Variants in MYH6 observed in about 807,000 individuals in gnomAD.
MYH6 encodes the protein myosin heavy chain 6.
A neutral mutation model predicts 223.2 loss-of-function variants in MYH6; 126 were observed. The ratio of observed to expected loss-of-function variants is 0.56; its 90% CI spans 0.49 to 0.65. MYH6 has a LOEUF of 0.65. Ranked by LOEUF, MYH6 falls within the 30% of genes least tolerant of loss-of-function variation. MYH6 has a pLI of 0.00. For missense variants in MYH6, 2,040 were observed against 2,536.4 expected (o/e 0.80, Z 4.20); for synonymous variants, 978 against 1,010.2 (o/e 0.97, Z 0.61).
In MYH6 at chr14:23,389,019, G is replaced by A. The variant is rs985894009; in HGVS notation, c.4015C>T (p.Arg1339Trp). ...TCCCGCAGCAGGTCGCAGTCATGCC[G>A]GGCCGACTGCAGTGCATGGGCCAGG... The part of the protein sequence containing the change: ...NALAHALQSA[R>W]HDCDLLREQY... Residue 1339 changes from arginine to tryptophan, a missense_variant, in exon 29 of 39, where the codon CGG becomes TGG. By Grantham distance (101) the Arg-to-Trp change is moderately radical. Transcript: ENST00000405093. 7 of 1,612,752 alleles carry A rather than the reference G, an allele frequency of 4.3e-6. No homozygotes were observed. Among genetic ancestry groups the A allele is most frequent in the African/African-American group, 1.3e-5 (1 of 74,938 alleles).
chr14:23,399,242 G>A (rs1212191996), intron 14 of MYH6, among the ~76,000 whole-genome samples: 2 of 152,066 alleles, frequency 1.3e-5, no homozygotes, highest in Non-Finnish European at 2.9e-5. Context: ...CTGCCCAGTG[G>A]GTCCAACAAA....
chr14:23,397,187 T>C lies in MYH6; in HGVS notation c.2033A>G (p.Asn678Ser), dbSNP rs515726230. Residue 678 changes from asparagine (N) to serine (S), a missense_variant, in exon 17 of 39, where the codon AAT becomes AGT. Physicochemically the swap from Asn to Ser is conservative, Grantham distance 46. This residue lies in a region of MYH6 where 649 missense variants were observed against 877.3 expected (regional missense o/e 0.74). Transcript: ENST00000405093. ...TGGCTCACCTGGAGCCTTCCGCTCA[T>C]TGGGGATGATGCAACGCACAAAGTG... ...HPHFVRCIIP[N>S]ERKAPGVMDN... 4 of 1,614,134 alleles carry C rather than the reference T, an allele frequency of 2.5e-6. No homozygotes were observed. Among genetic ancestry groups the C allele is most frequent in the East Asian group, 2.2e-5 (1 of 44,878 alleles).
intron 20 of MYH6, 146 bp downstream of exon 20, chr14:23,396,138 G>C (rs929823713): frequency 1.0e-5 from 9 of 880,882 alleles, no homozygotes; most frequent in East Asian, 2.6e-5. Context: ...AGAAGAAGAA[G>C]AATTTGCAAT....
intron 10 of MYH6, 48 bp downstream of exon 10, chr14:23,403,300 G>T (rs1201028658): frequency 2.0e-6 from 3 of 1,484,926 alleles, no homozygotes; most frequent in South Asian, 1.1e-5. Flanking sequence ...GAGTCGTTGG[G>T]GTGTGCAGCA....
At chr14:23,387,946 CTT>C (rs1891087578) in intron 30 of MYH6, 23 bp from the exon 31 acceptor site, 2 of 1,612,330 alleles carry the variant, frequency 1.2e-6, no homozygotes, top group Non-Finnish European at 1.7e-6. Context: ...AAGGCTCACT[CTT>C]CAGCCCCCCA....
In MYH6 at chr14:23,397,932, CTCTTCTTCTTCTTCTTCTTCT is replaced by C. The variant is rs55907025; in HGVS notation, c.1892-340_1892-320del. Among the ~76,000 whole-genome samples, 542 of 89,946 alleles carry C rather than the reference CTCTTCTTCTTCTTCTTCTTCT, an allele frequency of 6.0e-3. 6 individuals are homozygous for C. Among genetic ancestry groups the C allele is most frequent in the African/African-American group, 0.011 (257 of 23,164 alleles). The allele number at this position is 89,946 out of a possible 152,430, so 59.0% of individuals were successfully genotyped here. ...AGTTCTCCTCCTCCTCCTCCTCCTC[CTCTTCTTCTTCTTCTTCTTCT>C]TCTTCTTCTTCTTCTTCTTCTTCTT... is the stretch of plus-strand genomic sequence containing the variant. On this transcript the variant is annotated intron_variant, in intron 15 of 38. Transcript: ENST00000405093.
At chr14:23,386,826 A>G (rs1891042742) in intron 32 of MYH6, among the ~76,000 whole-genome samples, 1 of 152,190 alleles carries the variant, frequency 6.6e-6, no homozygotes, top group South Asian at 2.1e-4. Context: ...CCCTGTCAAG[A>G]AAAGGGTTTG....
intron 10 of MYH6, among the ~76,000 whole-genome samples, chr14:23,403,103 C>T (rs552051598): frequency 8.6e-5 from 13 of 151,446 alleles, no homozygotes; most frequent in Non-Finnish European, 1.8e-4. Context: ...CAAAGACAAG[C>T]CGAGGGAGGA....
chr14:23,406,524 T>TG (rs1891793883), intron 3 of MYH6, among the ~76,000 whole-genome samples: 3 of 152,146 alleles, frequency 2.0e-5, no homozygotes, highest in Non-Finnish European at 4.4e-5. Context: ...GGTGATTCTC[T>TG]TGGCTGGTGT....
In MYH6 at chr14:23,405,587, G is replaced by A. The variant is rs138269838; in HGVS notation, c.345+40C>T. On this transcript the variant is annotated intron_variant, in intron 4 of 38. Transcript: ENST00000405093. This position sits in a 1 kb window ranked among gnomAD's most constrained non-coding sequence, Gnocchi z 4.7. ...CCCCCTGGCTTATTTAGGCCTCCAC[G>A]CAGCACAGGAAGCCTCTGCAGTGTG... 117 of 1,613,766 alleles carry A rather than the reference G, an allele frequency of 7.3e-5. No individual in the cohort carries two copies. Among genetic ancestry groups the A allele is most frequent in the South Asian group, 6.4e-4 (58 of 91,060 alleles).
intron 18 of MYH6, 29 bp from the exon 19 acceptor site, chr14:23,396,846 A>C: frequency 6.2e-7 from 1 of 1,613,704 alleles, no homozygotes; most frequent in African/African-American, 1.3e-5. Flanking sequence ...AGAGTCACCC[A>C]TGCTCTGCAG....
chr14:23,403,622 C>G, intron 9 of MYH6, 93 bp downstream of exon 9: 2 of 1,297,356 alleles, frequency 1.5e-6, no homozygotes, highest in Non-Finnish European at 2.2e-6. Flanking sequence ...GCAGACAAAA[C>G]AGGAGATGGC....
chr14:23,404,491 G>A (rs1891714091), intron 7 of MYH6, 103 bp from the exon 8 acceptor site: 1 of 1,399,910 alleles, frequency 7.1e-7, no homozygotes, highest in African/African-American at 1.4e-5. Flanking sequence ...GGGGTGCGGG[G>A]CTGGGTGAAC....
Position 23,384,660 on chromosome 14 carries a change from G to A in MYH6, c.5347C>T (p.Arg1783Cys), listed in dbSNP as rs758734120. The change falls in exon 36 of 39, where the codon CGC (arginine) becomes TGC (cysteine). Residue 1783 changes from arginine (R) to cysteine (C), a missense_variant. Transcript: ENST00000405093. Reference protein sequence around the residue: ...KEQDTSAHLERMKKNMEQTIK... With the variant: ...KEQDTSAHLECMKKNMEQTIK... ...GTCTGCTCCATGTTCTTCTTCATGCGCTCCAGGTGGGCGCTGGTGTCCTGC... is the reference window on the plus strand; with the variant it reads ...GTCTGCTCCATGTTCTTCTTCATGCACTCCAGGTGGGCGCTGGTGTCCTGC... 3 of 1,614,220 alleles carry A rather than the reference G, an allele frequency of 1.9e-6. No homozygotes were observed. The highest frequency in any genetic ancestry group is 2.2e-5 in the East Asian group (1 of 44,892).
intron 21 of MYH6, 66 bp from the exon 22 acceptor site, chr14:23,393,974 C>T: frequency 6.2e-7 from 1 of 1,613,848 alleles, no homozygotes; most frequent in Non-Finnish European, 8.5e-7. Context: ...TTAAAAAGAG[C>T]TGGCACTCCT....
chr14:23,406,940 A>C (rs935390305), intron 3 of MYH6, 83 bp downstream of exon 3: 57 of 1,460,722 alleles, frequency 3.9e-5, no homozygotes, highest in Non-Finnish European at 5.3e-5. Flanking sequence ...CAGCCCTCTC[A>C]GCTCCCCCTG....
rs1162323182 is a variant in MYH6, at chr14:23,385,976, C to G, written c.5115G>C (p.Glu1705Asp). 6.2e-7 allele frequency: 1 copy of G among 1,614,232 alleles called. No individual in the cohort carries two copies. The highest frequency in any genetic ancestry group is 2.2e-5 in the East Asian group (1 of 44,886). Residue 1705 changes from glutamate (E) to aspartate (D), a missense_variant, in exon 34 of 39, where the codon GAG becomes GAC. Around this residue, in one of 4 missense-constraint regions of MYH6, gnomAD observed 1,203 missense variants for 1,400.2 expected, o/e 0.86. Transcript: ENST00000405093. The stretch of plus-strand genomic sequence containing the variant: ...GCTCGCTGGTCTCAATCAGCTCCTG[C>G]TCCGCCAGCTTCCGGGACCGCTCTG... ...EQTERSRKLA[E>D]QELIETSERV...
Position 23,399,019 on chromosome 14 carries a change from T to A in MYH6, c.1600A>T (p.Ile534Phe). The change falls in exon 15 of 39, where the codon ATC becomes TTC. Residue 534 changes from isoleucine to phenylalanine, a missense_variant. Ile to Phe is a conservative substitution (Grantham distance 21, BLOSUM62 0). Coordinates refer to ENST00000405093, the MANE Select transcript of MYH6 (RefSeq NM_002471.4). ...GGGAACATGCACTCCTCCTCCAGGA[T>A]GGACATGATGCCCATGGGCTGAGGG... is the stretch of plus-strand genomic sequence containing the variant. ...LIEKPMGIMS[I>F]LEEECMFPKA... 2 of 1,614,016 alleles carry A rather than the reference T, an allele frequency of 1.2e-6. No homozygotes were observed. The highest frequency in any genetic ancestry group is 1.7e-6 in the Non-Finnish European group (2 of 1,179,996).
At position 23,383,216 on chromosome 14, in the gene MYH6, T is replaced by C. The variant is rs373908250; in HGVS notation, c.5661+9A>G. 62 of 1,608,676 alleles carry C rather than the reference T, an allele frequency of 3.9e-5. No homozygotes were observed. In the Admixed American group the frequency reaches 4.5e-4, roughly 12 times the overall value. On this transcript the variant is annotated intron_variant, in intron 37 of 38. Transcript: ENST00000405093. ...GTTGATGAGAAAGGGAAGAAAGCTC[T>C]GAACTCACCGCCTCCTCGGCCTGGC...
Sources: allele counts gnomAD v4.1 joint callset (sites outside exome capture counted in the v4.1 genomes callset), GRCh38; gene constraint gnomAD v4.1.1; regional missense constraint gnomAD v4.1.1; non-coding constraint Gnocchi (gnomAD v3.1); transcripts MANE v1.5; gene names NCBI Gene and HGNC (gene_info 2026-07-23, HGNC 2026-07-21).